CUX1: variants seen among roughly 807,000 people sequenced by gnomAD.
CUX1 encodes protein CASP.
Under a neutral mutation model 158.8 loss-of-function variants are expected in CUX1, and 31 were observed. The ratio of observed to expected loss-of-function variants is 0.20; its 90% CI spans 0.15 to 0.26. The LOEUF is 0.26. Ranked by LOEUF, CUX1 falls within the 10% of genes least tolerant of loss-of-function variation. The pLI is 1.00. For missense variants in CUX1, 1,589 were observed against 2,014.6 expected (o/e 0.79, Z 4.04); for synonymous variants, 879 against 862.1 (o/e 1.02, Z -0.34).
chr7:101,986,482 T>C (rs1814310002), intron 2 of CUX1, among the ~76,000 whole-genome samples: 1 of 152,232 alleles, frequency 6.6e-6, no homozygotes, highest in Non-Finnish European at 1.5e-5. Flanking sequence ...CCTTCCTGAA[T>C]GCCTATTACA....
chr7:102,274,003 G>A (rs782511450), intron 15 of CUX1, among the ~76,000 whole-genome samples: 44 of 152,222 alleles, frequency 2.9e-4, no homozygotes, highest in Non-Finnish European at 5.0e-4. Flanking sequence ...GAGTGGCTGC[G>A]AGGAGAGCTG....
intron 1 of CUX1, among the ~76,000 whole-genome samples, chr7:101,895,072 G>A (rs1385933192): frequency 6.6e-6 from 1 of 152,038 alleles, no homozygotes; most frequent in Non-Finnish European, 1.5e-5. Context: ...CCAGGCTGGA[G>A]TGCAGTGGTG....
At position 101,916,901 on chromosome 7, in the gene CUX1, G is replaced by A. The variant is rs1177217551; in HGVS notation, c.141+676G>A. 6.6e-6 allele frequency among the ~76,000 whole-genome samples: 1 copy of A among 151,274 alleles called. No homozygotes were observed. Among genetic ancestry groups the A allele is most frequent in the Non-Finnish European group, 1.5e-5 (1 of 67,860 alleles). ...TTCCTTCCCTTCAACCCTATCAGGG[G>A]CTTACTAAGAAAAAAAAAAAAACAT... On this transcript the variant is annotated intron_variant, in intron 2 of 23. Transcript: ENST00000292535. The surrounding 1 kb of genome is among the most constrained non-coding windows in gnomAD (Gnocchi z 4.4).
At chr7:101,987,354 G>A (rs1002305899) in intron 2 of CUX1, among the ~76,000 whole-genome samples, 1 of 152,264 alleles carries the variant, frequency 6.6e-6, no homozygotes, top group Non-Finnish European at 1.5e-5. Flanking sequence ...GCTCACTCAC[G>A]GCTCAGATAC....
intron 20 of CUX1, among the ~76,000 whole-genome samples, chr7:102,212,383 G>A (rs139283963): frequency 1.3e-5 from 2 of 152,210 alleles, no homozygotes; most frequent in African/African-American, 2.4e-5. Flanking sequence ...AGCACCACTC[G>A]TCACACACCC....
chr7:102,263,756 G>T (rs1790591666), intron 14 of CUX1, among the ~76,000 whole-genome samples: 1 of 151,000 alleles, frequency 6.6e-6, no homozygotes, highest in African/African-American at 2.4e-5. Context: ...GCAGTGGTGC[G>T]ATCTCAGCTC....
intron 8 of CUX1, among the ~76,000 whole-genome samples, chr7:102,144,682 A>AC (rs2131427267): frequency 6.6e-6 from 1 of 151,608 alleles, no homozygotes; most frequent in East Asian, 1.9e-4. Context: ...AAAAAAAAAA[A>AC]AAACAGTAAA....
chr7:102,014,845 AT>A (rs1255440209), intron 2 of CUX1, among the ~76,000 whole-genome samples: 2 of 143,690 alleles, frequency 1.4e-5, no homozygotes, highest in Admixed American at 7.0e-5. Flanking sequence ...GCTCTGTAGT[AT>A]CCCCCAACCA....
chr7:102,151,024 G>A (rs938148434), intron 8 of CUX1, among the ~76,000 whole-genome samples: 2 of 152,228 alleles, frequency 1.3e-5, no homozygotes, highest in Admixed American at 1.3e-4. Flanking sequence ...TGCAGATACT[G>A]ATGTGGTTAG....
At chr7:101,818,479 C>G (rs1792118674) in intron 1 of CUX1, among the ~76,000 whole-genome samples, 1 of 152,192 alleles carries the variant, frequency 6.6e-6, no homozygotes, top group East Asian at 1.9e-4. Context: ...ATTTTAAGAA[C>G]TCTAAACCTT....
chr7:101,982,800 C>T (rs1024054051), intron 2 of CUX1, among the ~76,000 whole-genome samples: 1 of 151,882 alleles, frequency 6.6e-6, no homozygotes, highest in Admixed American at 6.6e-5. Context: ...TATATATGTA[C>T]CATGTTGGTG....
At chr7:102,225,064 C>T (rs1318879974) in intron 20 of CUX1, among the ~76,000 whole-genome samples, 2 of 152,168 alleles carry the variant, frequency 1.3e-5, no homozygotes, top group African/African-American at 2.4e-5. Flanking sequence ...GTTTTATATC[C>T]AGTTCTCTGG....
intron 15 of CUX1, among the ~76,000 whole-genome samples, 177 bp from the exon 16 acceptor site, chr7:102,198,625 G>A (rs1481426845): frequency 2.0e-5 from 3 of 152,170 alleles, no homozygotes; most frequent in Non-Finnish European, 4.4e-5. Context: ...CGGCCTCTGC[G>A]GGCCGGTCAG....
At chr7:102,210,885 A>G (rs1047100387) in intron 20 of CUX1, among the ~76,000 whole-genome samples, 1 of 152,108 alleles carries the variant, frequency 6.6e-6, no homozygotes, top group Non-Finnish European at 1.5e-5. Flanking sequence ...TGCAGCCCCT[A>G]TCGCGGACAG....
In CUX1 at chr7:102,249,918, A is replaced by G. The variant is rs946410949; in HGVS notation, c.*876A>G. The G allele has an allele frequency of 2.0e-6, 2 of 985,746 alleles. No individual in the cohort carries two copies. The highest frequency in any genetic ancestry group is 2.4e-6 in the Non-Finnish European group (2 of 829,938). 61.1% of individuals were successfully genotyped at this position (985,746 alleles called of 1,614,324 possible). ...AAACTCTGATTTTGTGGTAGCTGAC[A>G]TAGTGTTTTCTTGTACGTGAATAGA... On this transcript the variant is annotated 3_prime_UTR_variant, in exon 24 of 24. Transcript: ENST00000292535.
chr7:102,080,027 A>G (rs1554478051), intron 4 of CUX1, among the ~76,000 whole-genome samples: 1 of 152,198 alleles, frequency 6.6e-6, no homozygotes, highest in South Asian at 2.1e-4. Flanking sequence ...CATGTAGGAC[A>G]CTGTATGTTT....
intron 1 of CUX1, among the ~76,000 whole-genome samples, chr7:101,901,971 T>C (rs528622661): frequency 6.6e-6 from 1 of 152,348 alleles, no homozygotes; most frequent in South Asian, 2.1e-4. Context: ...ACAAATACTT[T>C]AGGAGGAAAA....
intron 17 of CUX1, among the ~76,000 whole-genome samples, chr7:102,200,861 G>A (rs868950363): frequency 3.3e-4 from 50 of 151,538 alleles, no homozygotes; most frequent in African/African-American, 1.2e-3. Context: ...GAGAGACCTT[G>A]TCTCTTAAAA....
chr7:101,858,182 CA>C (rs1797086585), intron 1 of CUX1, among the ~76,000 whole-genome samples: 1 of 152,108 alleles, frequency 6.6e-6, no homozygotes, highest in Non-Finnish European at 1.5e-5. Flanking sequence ...GGTTTCTTAC[CA>C]GGGAACCTGC....
Sources: gnomAD v4.1 joint callset for allele counts (sites outside exome capture counted in the v4.1 genomes callset) on GRCh38, gnomAD v4.1.1 for gene constraint, Gnocchi (gnomAD v3.1) non-coding constraint, MANE v1.5 for transcripts, NCBI Gene and HGNC (gene_info 2026-07-23, HGNC 2026-07-21) for gene names.